ACVR2A: variants seen among roughly 807,000 people sequenced by gnomAD.
The protein encoded by ACVR2A is activin receptor type-2A.
A neutral mutation model predicts 61.4 loss-of-function variants in ACVR2A; 7 were observed. The observed-to-expected ratio is 0.11, with a 90% CI of 0.06 to 0.21. The LOEUF (loss-of-function observed/expected upper bound fraction) is 0.21. Among genes scored for constraint, ACVR2A ranks in the 10% least tolerant of loss-of-function variants. The pLI, the probability that ACVR2A is intolerant of heterozygous loss-of-function variation, is 1.00. For missense variants in ACVR2A, 322 were observed against 621.7 expected (o/e 0.52, Z 5.13); for synonymous variants, 193 against 208.3 (o/e 0.93, Z 0.63).
chr2:147,919,805 G>C (rs1052301900), intron 7 of ACVR2A, among the ~76,000 whole-genome samples: 4 of 152,052 alleles, frequency 2.6e-5, no homozygotes, highest in Admixed American at 2.6e-4. Flanking sequence ...CTAAAATGTA[G>C]GTCTCTACCA....
intron 4 of ACVR2A, among the ~76,000 whole-genome samples, chr2:147,908,833 C>A (rs1341419266): frequency 6.6e-6 from 1 of 152,062 alleles, no homozygotes; most frequent in Admixed American, 6.6e-5. Flanking sequence ...AAATCAGTCT[C>A]TCTCTCTCTA....
intron 1 of ACVR2A, among the ~76,000 whole-genome samples, chr2:147,873,359 T>C (rs1004916468): frequency 6.6e-6 from 1 of 152,014 alleles, no homozygotes; most frequent in Non-Finnish European, 1.5e-5. Context: ...CAGAATATCA[T>C]TTCAATGCAT....
At chr2:147,865,697 C>T (rs1463747057) in intron 1 of ACVR2A, among the ~76,000 whole-genome samples, 2 of 152,182 alleles carry the variant, frequency 1.3e-5, no homozygotes, top group Non-Finnish European at 2.9e-5. Flanking sequence ...GAGCTCCAAA[C>T]TTATTTATTA....
intron 1 of ACVR2A, among the ~76,000 whole-genome samples, chr2:147,857,655 A>T (rs1345313811): frequency 1.3e-5 from 2 of 152,026 alleles, no homozygotes. Flanking sequence ...TTCTGCCAGG[A>T]GAAAACCTGG....
chr2:147,888,901 TTTG>T (rs1250983552), intron 1 of ACVR2A, among the ~76,000 whole-genome samples: 2 of 152,168 alleles, frequency 1.3e-5, no homozygotes, highest in Non-Finnish European at 2.9e-5. Flanking sequence ...AGCAAAAACA[TTTG>T]TTGTTTCACT....
At chr2:147,871,497 C>G (rs1043615948) in intron 1 of ACVR2A, among the ~76,000 whole-genome samples, 3 of 151,996 alleles carry the variant, frequency 2.0e-5, no homozygotes, top group African/African-American at 4.8e-5. Context: ...GCCTAGATGT[C>G]TCTGCATTTA....
intron 9 of ACVR2A, chr2:147,925,629 C>T (rs73003450): frequency 6.4e-6 from 1 of 156,486 alleles, no homozygotes. Context: ...ATAGATTGAA[C>T]CTAGAGCCTC....
At chr2:147,871,847 TA>T (rs1686027518) in intron 1 of ACVR2A, among the ~76,000 whole-genome samples, 1 of 152,134 alleles carries the variant, frequency 6.6e-6, no homozygotes, top group Non-Finnish European at 1.5e-5. Flanking sequence ...GACATCTTGT[TA>T]ATTTTTCTGC....
At chr2:147,920,368 T>G in intron 8 of ACVR2A, 24 bp downstream of exon 8, 1 of 1,528,010 alleles carries the variant, frequency 6.5e-7, no homozygotes, top group Non-Finnish European at 9.0e-7. Context: ...TTATAAAATG[T>G]AAGAAAAAAT....
At chr2:147,849,381 T>G (rs1229364102) in intron 1 of ACVR2A, among the ~76,000 whole-genome samples, 2 of 152,200 alleles carry the variant, frequency 1.3e-5, no homozygotes, top group Admixed American at 1.3e-4. Context: ...CCTGAATAGT[T>G]TCAAGGTAGA....
At chr2:147,893,870 T>C (rs750381657) in intron 1 of ACVR2A, among the ~76,000 whole-genome samples, 7 of 152,136 alleles carry the variant, frequency 4.6e-5, no homozygotes, top group Non-Finnish European at 8.8e-5. Flanking sequence ...GTTTTCATTT[T>C]AGTGAGGTTC....
At chr2:147,901,584 T>G (rs1170657190) in intron 4 of ACVR2A, among the ~76,000 whole-genome samples, 1 of 151,996 alleles carries the variant, frequency 6.6e-6, no homozygotes, top group Non-Finnish European at 1.5e-5. Context: ...GTTTTAGATA[T>G]TTGTTATGGT....
At chr2:147,872,070 T>C (rs1412145768) in intron 1 of ACVR2A, among the ~76,000 whole-genome samples, 1 of 152,058 alleles carries the variant, frequency 6.6e-6, no homozygotes, top group Non-Finnish European at 1.5e-5. Flanking sequence ...ATTTTCTCCT[T>C]TGAGTTAGCA....
At chr2:147,872,602 C>T (rs1455576340) in intron 1 of ACVR2A, among the ~76,000 whole-genome samples, 1 of 149,710 alleles carries the variant, frequency 6.7e-6, no homozygotes, top group East Asian at 1.9e-4. Flanking sequence ...AGTCTGTGGT[C>T]CCTGAGTCAT....
rs367638423 is a variant in ACVR2A at position 147,899,568 on chromosome 2, G to A, written c.373+1G>A. The A allele has an allele frequency of 2.5e-6, 4 of 1,610,580 alleles. No individual in the cohort carries two copies. Among genetic ancestry groups the A allele is most frequent in the Non-Finnish European group, 3.4e-6 (4 of 1,177,534 alleles). On this transcript the variant is annotated splice_donor_variant, in intron 3 of 10. Transcript: ENST00000241416. LOFTEE classifies it high-confidence loss of function. ...TTTCCGGAGATGGAAGTCACACAGC[G>A]TAAGTTCACAGGGAAAATACGTAGG...
chr2:147,896,305 T>C lies in ACVR2A; in HGVS notation c.60T>C (p.Ala20=). ...ATTGTTTTTATTATCTTATAGGTGC[T>C]ATACTTGGTAGATCAGAAACTCAGG... The part of the protein sequence containing the change: ...AVFLISCSSG[A]ILGRSETQEC... Residue 20 remains alanine, a synonymous_variant, in exon 2 of 11, where the codon GCT becomes GCC. Transcript: ENST00000241416. 1 of 1,612,890 alleles carries C rather than the reference T, an allele frequency of 6.2e-7. No individual in the cohort carries two copies.
intron 4 of ACVR2A, among the ~76,000 whole-genome samples, chr2:147,900,107 G>A (rs1686836483): frequency 6.6e-6 from 1 of 152,094 alleles, no homozygotes; most frequent in Non-Finnish European, 1.5e-5. Flanking sequence ...TTGAGGTCGA[G>A]TAGAATGAAG....
chr2:147,858,107 G>C (rs1346437939), intron 1 of ACVR2A, among the ~76,000 whole-genome samples: 1 of 152,104 alleles, frequency 6.6e-6, no homozygotes, highest in Admixed American at 6.6e-5. Context: ...TGGCCTTCCA[G>C]CTCCATCCAT....
chr2:147,890,561 T>C (rs980954403), intron 1 of ACVR2A, among the ~76,000 whole-genome samples: 1 of 152,220 alleles, frequency 6.6e-6, no homozygotes, highest in Non-Finnish European at 1.5e-5. Context: ...TAAGAACTGC[T>C]GTACTAAACC....
Sources: allele counts gnomAD v4.1 joint callset (sites outside exome capture counted in the v4.1 genomes callset), GRCh38; gene constraint gnomAD v4.1.1; transcripts MANE v1.5; gene names NCBI Gene and HGNC (gene_info 2026-07-23, HGNC 2026-07-21).